Variants in BBS9 observed in about 807,000 individuals in gnomAD.
BBS9 encodes the protein protein PTHB1.
In BBS9, 89 loss-of-function variants were observed where a neutral mutation model predicts 117.7. The observed-to-expected ratio is 0.76, with a 90% confidence interval of 0.64 to 0.90. The LOEUF (loss-of-function observed/expected upper bound fraction) is 0.90. Among genes scored for constraint, BBS9 ranks in the 40% least tolerant of loss-of-function variants. The probability of loss-of-function intolerance (pLI) is 0.00; values close to 1 mark genes in which losing one functional copy is unlikely to be tolerated. For missense variants in BBS9, 982 were observed against 1,042.2 expected, an observed-to-expected ratio of 0.94 and a Z score of 0.80; for synonymous variants, 379 against 370.9, an observed-to-expected ratio of 1.02 and a Z score of -0.25.
intron 2 of BBS9, among the ~76,000 whole-genome samples, chr7:33,148,616 G>A (rs1792792870): frequency 4.0e-5 from 6 of 151,526 alleles, no homozygotes; most frequent in Admixed American, 3.9e-4. Flanking sequence ...ACCTGCCTCG[G>A]CCTCACAAAG....
chr7:33,336,742 T>C (rs765734267), intron 10 of BBS9, 120 bp downstream of exon 10: 1 of 757,398 alleles, frequency 1.3e-6, no homozygotes, highest in African/African-American at 1.8e-5. Flanking sequence ...TAAAATCATA[T>C]TTGTAAAAAC....
chr7:33,352,592 C>G (rs759302518), intron 14 of BBS9, among the ~76,000 whole-genome samples: 52 of 151,484 alleles, frequency 3.4e-4, no homozygotes, highest in Non-Finnish European at 6.2e-4. Flanking sequence ...GTTTTTTTCC[C>G]ACATTTACAG....
chr7:33,485,691 T>C (rs78107474), intron 19 of BBS9, among the ~76,000 whole-genome samples: 48 of 152,302 alleles, frequency 3.2e-4, no homozygotes, highest in African/African-American at 1.1e-3. Flanking sequence ...AGGTAGACAT[T>C]GGGTGATATA....
At chr7:33,371,247 A>C (rs1209081104) in intron 17 of BBS9, among the ~76,000 whole-genome samples, 3 of 152,196 alleles carry the variant, frequency 2.0e-5, no homozygotes, top group Non-Finnish European at 4.4e-5. Context: ...ATGAGAAACA[A>C]ATTTCACAGA....
chr7:33,586,663 A>T (rs1421737246), intron 21 of BBS9, among the ~76,000 whole-genome samples: 1 of 152,134 alleles, frequency 6.6e-6, no homozygotes, highest in African/African-American at 2.4e-5. Context: ...TCAGCAGTGG[A>T]TTGGATAAAG....
At chr7:33,564,637 C>T (rs553116637) in intron 21 of BBS9, among the ~76,000 whole-genome samples, 27 of 152,242 alleles carry the variant, frequency 1.8e-4, no homozygotes, top group Non-Finnish European at 3.2e-4. Flanking sequence ...TCTGAAACTG[C>T]GATAGAAGAT....
intron 19 of BBS9, among the ~76,000 whole-genome samples, chr7:33,415,243 A>G (rs80174370): frequency 1.3e-5 from 2 of 152,196 alleles, no homozygotes; most frequent in African/African-American, 4.8e-5. Flanking sequence ...TCCAGTATAA[A>G]GTACTGTGGG....
chr7:33,173,533 C>T (rs2128153299), intron 4 of BBS9, among the ~76,000 whole-genome samples: 1 of 150,090 alleles, frequency 6.7e-6, no homozygotes, highest in Non-Finnish European at 1.5e-5. Context: ...GATTGCGCCA[C>T]TGCACTCCAG....
rs182778719 is a variant in BBS9, at chr7:33,576,168, G to T, written c.2522-28697G>T. On this transcript the variant is annotated intron_variant, in intron 21 of 22. Transcript: ENST00000242067. ...ATATTTAGGAAACCCTGTCATCTCAGCCCAAAATCTCCTTAAGCTGATAAG... is the reference window on the plus strand; with the variant it reads ...ATATTTAGGAAACCCTGTCATCTCATCCCAAAATCTCCTTAAGCTGATAAG... Among the ~76,000 whole-genome samples the T allele has an allele frequency of 8.4e-4, 128 of 152,278 alleles. 1 individual carries two copies. The Middle Eastern group carries it at 0.01, about 12-fold the overall frequency.
chr7:33,383,095 G>A (rs942354619), intron 17 of BBS9, among the ~76,000 whole-genome samples: 7 of 152,210 alleles, frequency 4.6e-5, no homozygotes, highest in South Asian at 2.1e-4. Context: ...GGTCATCTTG[G>A]AGTAGTGGAG....
chr7:33,496,389 C>T (rs1328713071), intron 19 of BBS9, among the ~76,000 whole-genome samples: 2 of 151,948 alleles, frequency 1.3e-5, no homozygotes, highest in African/African-American at 4.8e-5. Flanking sequence ...CCTGTAATCC[C>T]AGCTCCTCAG....
At chr7:33,465,148 C>T (rs575498524) in intron 19 of BBS9, among the ~76,000 whole-genome samples, 1 of 151,400 alleles carries the variant, frequency 6.6e-6, no homozygotes, top group Non-Finnish European at 1.5e-5. Context: ...AGTTGTTTTG[C>T]AGCATGTAGA....
intron 9 of BBS9, among the ~76,000 whole-genome samples, chr7:33,302,045 C>G (rs1438374309): frequency 2.6e-5 from 4 of 152,034 alleles, no homozygotes; most frequent in Non-Finnish European, 5.9e-5. Flanking sequence ...TGAGCACCTT[C>G]TCATATGCTT....
intron 9 of BBS9, among the ~76,000 whole-genome samples, chr7:33,334,443 A>T (rs1451898074): frequency 1.3e-5 from 2 of 152,148 alleles, no homozygotes; most frequent in Non-Finnish European, 2.9e-5. Context: ...CTGAGGACTC[A>T]TTGGGTTCGT....
chr7:33,481,598 T>C (rs543656565), intron 19 of BBS9, among the ~76,000 whole-genome samples: 2 of 152,310 alleles, frequency 1.3e-5, no homozygotes, highest in African/African-American at 4.8e-5. Flanking sequence ...TACATGTCCA[T>C]ATATGTGTAG....
rs1272919435 is a variant in BBS9 at position 33,318,599 on chromosome 7, A to G, written c.1017-17842A>G. Among the ~76,000 whole-genome samples, 5 of 152,056 alleles carry G rather than the reference A, an allele frequency of 3.3e-5. No homozygotes were observed. The South Asian group carries it at 8.3e-4, about 25-fold the overall frequency. ...TTTTTTAAAAAATATTTTAATTTCCATAGGTTTTTGGGGAACGGCGGTATT... is the reference window on the plus strand; with the variant it reads ...TTTTTTAAAAAATATTTTAATTTCCGTAGGTTTTTGGGGAACGGCGGTATT... On this transcript the variant is annotated intron_variant, in intron 9 of 22. Coordinates refer to ENST00000242067, the MANE Select transcript of BBS9 (RefSeq NM_198428.3).
At chr7:33,618,098 A>G (rs552494961) in intron 21 of BBS9, among the ~76,000 whole-genome samples, 66 of 152,082 alleles carry the variant, frequency 4.3e-4, no homozygotes, top group Non-Finnish European at 7.4e-4. Flanking sequence ...CCAACACTTT[A>G]GGAGGCCAAG....
intron 10 of BBS9, among the ~76,000 whole-genome samples, chr7:33,340,483 A>G (rs1816290045): frequency 6.6e-6 from 1 of 152,186 alleles, no homozygotes; most frequent in Non-Finnish European, 1.5e-5. Context: ...TACTAACATT[A>G]GAGACCTCCT....
At chr7:33,581,640 G>T (rs559681131) in intron 21 of BBS9, among the ~76,000 whole-genome samples, 4 of 152,114 alleles carry the variant, frequency 2.6e-5, no homozygotes, top group African/African-American at 9.7e-5. Flanking sequence ...TGCCAAGAGG[G>T]TTGGTTATTC....
Sources: gnomAD v4.1 joint callset for allele counts (sites outside exome capture counted in the v4.1 genomes callset) on GRCh38, gnomAD v4.1.1 for gene constraint, MANE v1.5 for transcripts, NCBI Gene and HGNC (gene_info 2026-07-23, HGNC 2026-07-21) for gene names.